PLXNA2: variants seen among roughly 807,000 people sequenced by gnomAD.
The protein encoded by PLXNA2 is plexin-A2.
Under a neutral mutation model 193.5 loss-of-function variants are expected in PLXNA2, and 91 were observed. That is an observed-to-expected ratio of 0.47 (90% CI 0.40 to 0.56). The LOEUF is 0.56. Ranked by LOEUF, PLXNA2 falls within the 20% of genes least tolerant of loss-of-function variation. The pLI, the probability that PLXNA2 is intolerant of heterozygous loss-of-function variation, is 0.00. For missense variants in PLXNA2, 1,995 were observed against 2,503.2 expected (o/e 0.80, Z 4.33); for synonymous variants, 997 against 1,027.3 (o/e 0.97, Z 0.56).
intron 1 of PLXNA2, among the ~76,000 whole-genome samples, chr1:208,228,775 C>T (rs187483514): frequency 2.6e-5 from 4 of 152,276 alleles, no homozygotes; most frequent in Admixed American, 6.5e-5. Flanking sequence ...CCCAAAACGC[C>T]CTGCCCTGGA....
intron 3 of PLXNA2, among the ~76,000 whole-genome samples, chr1:208,165,136 T>C (rs1197124981): frequency 1.3e-5 from 2 of 152,056 alleles, no homozygotes; most frequent in Admixed American, 6.6e-5. Context: ...ATGAGGACCA[T>C]GGCAGTCACC....
chr1:208,191,589 C>G (rs1037918393), intron 3 of PLXNA2, among the ~76,000 whole-genome samples: 2 of 152,140 alleles, frequency 1.3e-5, no homozygotes, highest in Non-Finnish European at 2.9e-5. Flanking sequence ...TCACAATGAG[C>G]CTGGGAGGCA....
chr1:208,177,984 G>C (rs867778457), intron 3 of PLXNA2, among the ~76,000 whole-genome samples: 2 of 152,222 alleles, frequency 1.3e-5, no homozygotes, highest in African/African-American at 4.8e-5. Flanking sequence ...CTGCAAAACA[G>C]GGGCCTTACC....
At chr1:208,215,414 T>C (rs1671093044) in intron 2 of PLXNA2, among the ~76,000 whole-genome samples, 2 of 151,812 alleles carry the variant, frequency 1.3e-5, no homozygotes, top group Non-Finnish European at 2.9e-5. Context: ...GGTGGATGAA[T>C]AAAGAGAGGG....
chr1:208,036,199 A>G (rs768544764), intron 26 of PLXNA2, among the ~76,000 whole-genome samples: 10 of 152,196 alleles, frequency 6.6e-5, no homozygotes, highest in Non-Finnish European at 1.3e-4. Context: ...CTTACAACTG[A>G]CAGCCCAGAA....
At chr1:208,133,118 A>G (rs1031261830) in intron 4 of PLXNA2, among the ~76,000 whole-genome samples, 17 of 152,310 alleles carry the variant, frequency 1.1e-4, no homozygotes, top group African/African-American at 4.1e-4. Context: ...GAATCTCTGG[A>G]TAAACCAGCT....
At chr1:208,117,167 T>A (rs1392709487) in intron 4 of PLXNA2, among the ~76,000 whole-genome samples, 1 of 151,910 alleles carries the variant, frequency 6.6e-6, no homozygotes, top group Non-Finnish European at 1.5e-5. Context: ...CAAGACTCTG[T>A]CTCACATAAA....
rs544806589 is a variant in PLXNA2, at chr1:208,207,202, C to T, written c.1371+3078G>A. ...TGTATTTTTAGTAGAGACGGGGTTTCACCATGTTGGCCGGGCTGGTCTTGA... is the reference window on the plus strand; with the variant it reads ...TGTATTTTTAGTAGAGACGGGGTTTTACCATGTTGGCCGGGCTGGTCTTGA... On this transcript the variant is annotated intron_variant, in intron 3 of 31. Transcript: ENST00000367033. 5.3e-5 allele frequency among the ~76,000 whole-genome samples: 8 copies of T among 152,322 alleles called. No homozygotes were observed. In the South Asian group the frequency reaches 1.2e-3, roughly 24 times the overall value.
chr1:208,222,468 C>T (rs1671369927), intron 1 of PLXNA2, among the ~76,000 whole-genome samples: 1 of 152,148 alleles, frequency 6.6e-6, no homozygotes, highest in Non-Finnish European at 1.5e-5. Context: ...CAAGGAGAGG[C>T]CACGCTTGCC....
chr1:208,145,087 C>T (rs946940377), intron 3 of PLXNA2, among the ~76,000 whole-genome samples: 1 of 152,168 alleles, frequency 6.6e-6, no homozygotes, highest in African/African-American at 2.4e-5. Context: ...AATATCATAG[C>T]TTTTAGTCAC....
At chr1:208,203,098 C>T (rs1055597997) in intron 3 of PLXNA2, among the ~76,000 whole-genome samples, 6 of 152,174 alleles carry the variant, frequency 3.9e-5, no homozygotes, top group African/African-American at 4.8e-5. Context: ...TGTGTCAAGA[C>T]GGGTGGGAGT....
intron 12 of PLXNA2, among the ~76,000 whole-genome samples, chr1:208,070,900 G>T (rs1665955424): frequency 6.6e-6 from 1 of 152,158 alleles, no homozygotes; most frequent in Admixed American, 6.5e-5. Context: ...GAGGGAAGCT[G>T]GGTTAGCTGA....
At chr1:208,231,044 C>T (rs868283231) in intron 1 of PLXNA2, among the ~76,000 whole-genome samples, 3 of 152,068 alleles carry the variant, frequency 2.0e-5, no homozygotes, top group Non-Finnish European at 2.9e-5. Context: ...GGCATCAGTC[C>T]CTTGGTGAAG....
At chr1:208,220,587 C>CA (rs1011426474) in intron 1 of PLXNA2, among the ~76,000 whole-genome samples, 1 of 151,710 alleles carries the variant, frequency 6.6e-6, no homozygotes, top group African/African-American at 2.4e-5. Flanking sequence ...CACGTGCCAC[C>CA]ACACCCGCCT....
chr1:208,217,567 A>G lies in PLXNA2; in HGVS notation c.356T>C (p.Ile119Thr), dbSNP rs1671176785. 4 of 1,614,220 alleles carry G rather than the reference A, an allele frequency of 2.5e-6. No individual in the cohort carries two copies. Among genetic ancestry groups the G allele is most frequent in the Non-Finnish European group, 3.4e-6 (4 of 1,180,036 alleles). Reference sequence around the variant, plus strand: ...CAGCAGGCGGTTCTCAGAGTAGTCAATGATGAGCAGCTTGTTGACATTGTT... The same window carrying G: ...CAGCAGGCGGTTCTCAGAGTAGTCAGTGATGAGCAGCTTGTTGACATTGTT... The part of the protein sequence containing the change: ...LTNNVNKLLI[I>T]DYSENRLLAC... Residue 119 changes from isoleucine (I) to threonine (T), a missense_variant, in exon 2 of 32, where the codon ATT becomes ACT. This residue lies in a region of PLXNA2 where 702 missense variants were observed against 812.9 expected (regional missense o/e 0.86). Coordinates refer to ENST00000367033, the MANE Select transcript of PLXNA2 (RefSeq NM_025179.4). The surrounding 1 kb of genome is among the most constrained non-coding windows in gnomAD (Gnocchi z 4.7).
In PLXNA2 at chr1:208,195,656, G is replaced by T. The variant is rs541756791; in HGVS notation, c.1371+14624C>A. Among the ~76,000 whole-genome samples, 369 of 151,842 alleles carry T rather than the reference G, an allele frequency of 2.4e-3. 6 individuals carry two copies. The highest frequency in any genetic ancestry group is 0.014 in the East Asian group (71 of 5,140). ...GATAGTCATAAAATGTTTTTTGGGG[G>T]GGGGGGTTAGGGGTGGGCAACATGC... On this transcript the variant is annotated intron_variant, in intron 3 of 31. Transcript: ENST00000367033.
chr1:208,087,947 A>G (rs1666584035), intron 9 of PLXNA2, among the ~76,000 whole-genome samples: 1 of 152,228 alleles, frequency 6.6e-6, no homozygotes. Context: ...GTACATACAC[A>G]TACAGTACCT....
At chr1:208,198,566 G>A (rs577551645) in intron 3 of PLXNA2, among the ~76,000 whole-genome samples, 1 of 152,354 alleles carries the variant, frequency 6.6e-6, no homozygotes. Context: ...CCCAGGCCGA[G>A]AGGGATGGGA....
chr1:208,170,136 T>A (rs1669443804), intron 3 of PLXNA2, among the ~76,000 whole-genome samples: 2 of 152,232 alleles, frequency 1.3e-5, no homozygotes, highest in Non-Finnish European at 2.9e-5. Context: ...GTTCTCAGCA[T>A]CACCAGACTG....
Sources: allele counts gnomAD v4.1 joint callset (sites outside exome capture counted in the v4.1 genomes callset), GRCh38; gene constraint gnomAD v4.1.1; regional missense constraint gnomAD v4.1.1; non-coding constraint Gnocchi (gnomAD v3.1); transcripts MANE v1.5; gene names NCBI Gene and HGNC (gene_info 2026-07-23, HGNC 2026-07-21).